The following VWA3B variants were observed in gnomAD, a reference collection of about 807,000 sequenced individuals.
VWA3B encodes von Willebrand factor A domain-containing protein 3B.
In VWA3B, 138 loss-of-function variants were observed where a neutral mutation model predicts 158.3. The observed-to-expected ratio is 0.87, with a 90% CI of 0.76 to 1.00. The LOEUF (loss-of-function observed/expected upper bound fraction) is 1.00, where lower values mean the gene tolerates loss of function less well. Among genes scored for constraint, VWA3B ranks in the 50% least tolerant of loss-of-function variants. VWA3B has a pLI of 0.00. For synonymous variants in VWA3B, 596 were observed against 587.3 expected (o/e 1.01, Z -0.21); for missense variants, 1,555 against 1,565.1 (o/e 0.99, Z 0.11).
chr2:98,215,404 G>A (rs1334834746), intron 13 of VWA3B, among the ~76,000 whole-genome samples: 1 of 149,480 alleles, frequency 6.7e-6, no homozygotes, highest in Non-Finnish European at 1.5e-5. Flanking sequence ...TCGCGCCACT[G>A]CACTCTAGCC....
At chr2:98,261,095 T>G (rs1260148313) in intron 21 of VWA3B, among the ~76,000 whole-genome samples, 4 of 151,804 alleles carry the variant, frequency 2.6e-5, no homozygotes, top group Non-Finnish European at 5.9e-5. Flanking sequence ...AAAAGTTTTG[T>G]TCCTCAATTT....
rs139233090 is a variant in VWA3B at position 98,213,045 on chromosome 2, C to T, written c.1836+1017C>T. 6.8e-3 allele frequency among the ~76,000 whole-genome samples: 1,041 copies of T among 152,186 alleles called. 9 individuals carry two copies. Among genetic ancestry groups the T allele is most frequent in the African/African-American group, 0.024 (993 of 41,512 alleles). On this transcript the variant is annotated intron_variant, in intron 13 of 27. Transcript: ENST00000477737. ...GCACAGAGTGATGGATTTTGCTGTA[C>T]AGATGGAGGGAAGGTCAGGGCAGGT...
At chr2:98,224,881 AG>A (rs1684790348) in intron 14 of VWA3B, among the ~76,000 whole-genome samples, 1 of 152,262 alleles carries the variant, frequency 6.6e-6, no homozygotes, top group African/African-American at 2.4e-5. Context: ...ACAAAATATT[AG>A]TAAAATGAAT....
intron 23 of VWA3B, 59 bp from the exon 24 acceptor site, chr2:98,297,848 G>A: frequency 7.0e-7 from 1 of 1,436,932 alleles, no homozygotes; most frequent in Middle Eastern, 2.0e-4. Context: ...GATGGCACAA[G>A]CCTAAGGGAA....
chr2:98,300,738 C>A (rs1690124684), intron 25 of VWA3B, among the ~76,000 whole-genome samples: 1 of 152,118 alleles, frequency 6.6e-6, no homozygotes, highest in Admixed American at 6.5e-5. Flanking sequence ...TGAGCTCCAA[C>A]CCTGTGCTTC....
At chr2:98,270,989 A>AT (rs1688169850) in intron 22 of VWA3B, 106 bp downstream of exon 22, 1 of 1,157,090 alleles carries the variant, frequency 8.6e-7, no homozygotes, top group Non-Finnish European at 1.2e-6. Flanking sequence ...CGCCACACTG[A>AT]TTTCTAAAAG....
downstream of VWA3B, among the ~76,000 whole-genome samples, chr2:98,315,514 A>C (rs1691068463): frequency 6.6e-6 from 1 of 152,222 alleles, no homozygotes; most frequent in African/African-American, 2.4e-5. Context: ...GAAGAAAGGG[A>C]ACAGATATTC....
Position 98,129,530 on chromosome 2 carries a change from A to G in VWA3B, c.872+1122A>G, listed in dbSNP as rs78052780. Among the ~76,000 whole-genome samples, 21 of 152,256 alleles carry G rather than the reference A, an allele frequency of 1.4e-4. 1 individual carries two copies. In the East Asian group the frequency reaches 3.9e-3, roughly 28 times the overall value. On this transcript the variant is annotated intron_variant, in intron 6 of 27. Transcript: ENST00000477737. Reference sequence around the variant, plus strand: ...TTGGGAATTAGGGCTTCAACATAGGAATTTTTTTGGCTTGGGATTGGGGGA... The same window carrying G: ...TTGGGAATTAGGGCTTCAACATAGGGATTTTTTTGGCTTGGGATTGGGGGA...
chr2:98,279,641 G>C (rs1688749120), intron 22 of VWA3B, among the ~76,000 whole-genome samples: 1 of 152,212 alleles, frequency 6.6e-6, no homozygotes, highest in African/African-American at 2.4e-5. Context: ...AGGACCCCAG[G>C]ACAAGCAATA....
At chr2:98,212,817 T>C (rs1170614003) in intron 13 of VWA3B, among the ~76,000 whole-genome samples, 1 of 17,080 alleles carries the variant, frequency 5.9e-5, no homozygotes, top group Non-Finnish European at 1.1e-4. Flanking sequence ...TAAAATTTTT[T>C]TTCCTATCAA....
At chr2:98,328,542 A>G in the VWA3B span, among the ~76,000 whole-genome samples, 1 of 152,242 alleles carries the variant, frequency 6.6e-6, no homozygotes, top group Non-Finnish European at 1.5e-5. Flanking sequence ...TTGTATTTCT[A>G]TGTATAAATA....
chr2:98,133,943 C>G lies in VWA3B; in HGVS notation c.988+4C>G. ...CTGAAAGGAAAACTCCCTCCAGGTA[C>G]CTGGAATCCAAAAGAAGTGGTGTAG... On this transcript the variant is annotated splice_donor_region_variant and intron_variant, in intron 7 of 27. Transcript: ENST00000477737. 3.1e-6 allele frequency: 5 copies of G among 1,613,188 alleles called. No homozygotes were observed. Among genetic ancestry groups the G allele is most frequent in the Non-Finnish European group, 2.5e-6 (3 of 1,179,176 alleles).
At chr2:98,156,852 T>C (rs1678123532) in intron 7 of VWA3B, among the ~76,000 whole-genome samples, 3 of 152,150 alleles carry the variant, frequency 2.0e-5, no homozygotes, top group African/African-American at 7.2e-5. Flanking sequence ...TCCTTAGATA[T>C]TATTTCTCTG....
At chr2:98,123,158 G>A (rs557992869) in intron 5 of VWA3B, among the ~76,000 whole-genome samples, 3 of 152,202 alleles carry the variant, frequency 2.0e-5, no homozygotes, top group African/African-American at 4.8e-5. Flanking sequence ...CCATCCCAGC[G>A]AGTTCTGAAT....
intron 22 of VWA3B, among the ~76,000 whole-genome samples, chr2:98,280,444 GT>G: frequency 6.6e-6 from 1 of 152,352 alleles, no homozygotes; most frequent in South Asian, 2.1e-4. Context: ...TGCTTTCAGG[GT>G]GATTAACTGT....
At chr2:98,319,876 T>TCACACA in the VWA3B span, among the ~76,000 whole-genome samples, 1,809 of 147,388 alleles carry the variant, frequency 0.012, 14 homozygotes, top group Middle Eastern at 0.028. Flanking sequence ...TGAGACTCCA[T>TCACACA]CACACACACA....
At chr2:98,303,897 G>C (rs1690354012) in intron 26 of VWA3B, 95 bp downstream of exon 26, 2 of 1,180,372 alleles carry the variant, frequency 1.7e-6, no homozygotes, top group East Asian at 5.0e-5. Context: ...CTAAATACTA[G>C]GGAAGAAAAG....
intron 26 of VWA3B, among the ~76,000 whole-genome samples, chr2:98,311,019 T>C (rs1404663467): frequency 8.5e-5 from 13 of 152,254 alleles, no homozygotes; most frequent in Admixed American, 7.2e-4. Flanking sequence ...GAAGCAGTAA[T>C]AGTCAGAAGT....
intron 10 of VWA3B, among the ~76,000 whole-genome samples, 198 bp downstream of exon 10, chr2:98,188,327 A>G (rs1418699598): frequency 2.0e-5 from 3 of 152,196 alleles, no homozygotes; most frequent in African/African-American, 7.2e-5. Context: ...ATCACCTCAA[A>G]CACACGTCGT....
Sources: allele counts gnomAD v4.1 joint callset (sites outside exome capture counted in the v4.1 genomes callset), GRCh38; gene constraint gnomAD v4.1.1; transcripts MANE v1.5; gene names NCBI Gene and HGNC (gene_info 2026-07-23, HGNC 2026-07-21).